The following SH3BGRL2 variants were observed in gnomAD, a reference collection of about 807,000 sequenced individuals.
SH3BGRL2 encodes the protein SH3 domain-binding glutamic acid-rich-like protein 2.
SH3BGRL2 carries 21 observed loss-of-function variants against 14.8 expected under a neutral mutation model. The ratio of observed to expected loss-of-function variants is 1.42; its 90% CI spans 1.01 to 2.05. SH3BGRL2 has a LOEUF of 2.05. Among genes scored for constraint, SH3BGRL2 ranks in the 30% most tolerant of loss-of-function variants. The probability of loss-of-function intolerance (pLI) is 0.00; values close to 1 mark genes in which losing one functional copy is unlikely to be tolerated. For missense variants in SH3BGRL2, 147 were observed against 130.8 expected (o/e 1.12, Z -0.61); for synonymous variants, 50 against 47.8 (o/e 1.05, Z -0.19).
At chr6:79,630,478 T>C (rs1768800585), upstream of SH3BGRL2, among the ~76,000 whole-genome samples, 1 of 152,186 alleles carries the variant, frequency 6.6e-6, no homozygotes. Flanking sequence ...TCCTAAACTA[T>C]TAGCAACTAT....
intron 1 of SH3BGRL2, 59 bp from the exon 2 acceptor site, chr6:79,673,555 G>A: frequency 6.5e-7 from 1 of 1,529,868 alleles, no homozygotes. Flanking sequence ...CAGTTTGGAA[G>A]TATATACATA....
the SH3BGRL2 span, among the ~76,000 whole-genome samples, chr6:79,618,733 A>C: frequency 0.03 from 4,547 of 151,832 alleles, 216 homozygotes; most frequent in African/African-American, 0.1. Context: ...AGCCTGACCA[A>C]CATGGAGAAA....
At chr6:79,639,024 A>T (rs1016196744) in intron 1 of SH3BGRL2, among the ~76,000 whole-genome samples, 2 of 152,224 alleles carry the variant, frequency 1.3e-5, no homozygotes, top group Non-Finnish European at 2.9e-5. Context: ...TTCAATTTTT[A>T]AAAATCAAAA....
At chr6:79,552,620 C>T in the SH3BGRL2 span, among the ~76,000 whole-genome samples, 159 of 152,228 alleles carry the variant, frequency 1.0e-3, no homozygotes, top group Admixed American at 2.6e-3. Flanking sequence ...TTTTAAGGTT[C>T]TTCTGGGATC....
chr6:79,588,776 C>T, the SH3BGRL2 span, among the ~76,000 whole-genome samples: 104 of 152,208 alleles, frequency 6.8e-4, 1 homozygote, highest in Non-Finnish European at 1.2e-3. Flanking sequence ...TGACATTGAA[C>T]CTGAGCACTT....
At chr6:79,674,092 GTGTA>G (rs142790755) in intron 2 of SH3BGRL2, among the ~76,000 whole-genome samples, 30 of 151,648 alleles carry the variant, frequency 2.0e-4, no homozygotes, top group South Asian at 8.3e-4. Flanking sequence ...CTGTGTATGT[GTGTA>G]TGTATGTATG....
At chr6:79,686,070 G>C (rs1277141465) in intron 2 of SH3BGRL2, among the ~76,000 whole-genome samples, 1 of 152,094 alleles carries the variant, frequency 6.6e-6, no homozygotes, top group Non-Finnish European at 1.5e-5. Context: ...GTTCCCCCAG[G>C]AAGTATTGTT....
At chr6:79,539,592 A>G in the SH3BGRL2 span, among the ~76,000 whole-genome samples, 3 of 152,230 alleles carry the variant, frequency 2.0e-5, no homozygotes, top group Non-Finnish European at 4.4e-5. Context: ...CATTTTCTGT[A>G]GGACTTTGAT....
In SH3BGRL2 at chr6:79,699,349, T is replaced by C. The variant is rs556038682; in HGVS notation, c.313-149T>C. The C allele has an allele frequency of 1.1e-4, 100 of 917,056 alleles. No individual in the cohort carries two copies. In the South Asian group the frequency reaches 2.8e-3, roughly 26 times the overall value. 56.8% of individuals were successfully genotyped at this position (917,056 alleles called of 1,614,324 possible). On this transcript the variant is annotated intron_variant, in intron 3 of 3. Transcript: ENST00000369838. ...GCTCTGATGCTGAAACCCAGGATTT[T>C]CTCTTATCAATCACATGGAGGTGAT... is the stretch of plus-strand genomic sequence containing the variant.
chr6:79,593,293 T>C, the SH3BGRL2 span, among the ~76,000 whole-genome samples: 5 of 152,172 alleles, frequency 3.3e-5, no homozygotes, highest in Non-Finnish European at 7.3e-5. Context: ...ACACTGTGTG[T>C]TTATACAAGA....
At chr6:79,616,618 G>A in the SH3BGRL2 span, among the ~76,000 whole-genome samples, 1 of 152,150 alleles carries the variant, frequency 6.6e-6, no homozygotes, top group Admixed American at 6.5e-5. Context: ...TCCGCATCCA[G>A]ATTTTTCTGA....
the SH3BGRL2 span, among the ~76,000 whole-genome samples, chr6:79,564,700 A>G: frequency 6.6e-6 from 1 of 152,192 alleles, no homozygotes; most frequent in African/African-American, 2.4e-5. Context: ...CAAGAGTTTT[A>G]CAGGTCTGAA....
At chr6:79,544,092 C>T in the SH3BGRL2 span, among the ~76,000 whole-genome samples, 1 of 152,124 alleles carries the variant, frequency 6.6e-6, no homozygotes, top group Admixed American at 6.5e-5. Flanking sequence ...GTTCTCAGTT[C>T]CTGTTTCTGG....
the SH3BGRL2 span, among the ~76,000 whole-genome samples, chr6:79,568,738 T>G: frequency 1.3e-5 from 2 of 152,154 alleles, no homozygotes; most frequent in African/African-American, 4.8e-5. Flanking sequence ...CTTTTTAAAC[T>G]AACTTTTTAA....
chr6:79,583,077 A>G, the SH3BGRL2 span, among the ~76,000 whole-genome samples: 2 of 152,362 alleles, frequency 1.3e-5, no homozygotes, highest in South Asian at 2.1e-4. Context: ...TAAAACCACA[A>G]TGAGATACCA....
chr6:79,686,133 G>A (rs1169492316), intron 2 of SH3BGRL2, among the ~76,000 whole-genome samples: 1 of 152,164 alleles, frequency 6.6e-6, no homozygotes, highest in African/African-American at 2.4e-5. Context: ...TGCTAGATTA[G>A]ATTCTTAAAG....
chr6:79,654,027 G>A (rs529657601), intron 1 of SH3BGRL2, among the ~76,000 whole-genome samples: 12 of 152,290 alleles, frequency 7.9e-5, no homozygotes, highest in African/African-American at 1.7e-4. Context: ...GAATAGTTGC[G>A]TTGTCACAGT....
At chr6:79,633,178 A>G (rs1768858688) in intron 1 of SH3BGRL2, among the ~76,000 whole-genome samples, 1 of 152,194 alleles carries the variant, frequency 6.6e-6, no homozygotes, top group Admixed American at 6.5e-5. Flanking sequence ...TGTTTTGCAC[A>G]TGGAGCTAAA....
Position 79,703,068 on chromosome 6 carries a change from A to G in SH3BGRL2, c.*3559A>G, listed in dbSNP as rs1322860084. On this transcript the variant is annotated 3_prime_UTR_variant, in exon 4 of 4. Coordinates refer to ENST00000369838, the MANE Select transcript of SH3BGRL2 (RefSeq NM_031469.4). Reference sequence around the variant, plus strand: ...GTTTGCAGAAATGTGTGAAACCAAAATGATCACTGCCTACTTGTGATTCAA... The same window carrying G: ...GTTTGCAGAAATGTGTGAAACCAAAGTGATCACTGCCTACTTGTGATTCAA... 1 of 152,224 alleles carries G rather than the reference A, an allele frequency of 6.6e-6. No homozygotes were observed. The highest frequency in any genetic ancestry group is 1.5e-5 in the Non-Finnish European group (1 of 68,036). 9.4% of individuals were successfully genotyped at this position (152,224 alleles called of 1,614,324 possible).
Sources: gnomAD v4.1 joint callset for allele counts (sites outside exome capture counted in the v4.1 genomes callset) on GRCh38, gnomAD v4.1.1 for gene constraint, MANE v1.5 for transcripts, NCBI Gene and HGNC (gene_info 2026-07-23, HGNC 2026-07-21) for gene names.